Variants in LRP2 observed in about 807,000 individuals in gnomAD.
The protein encoded by LRP2 is low-density lipoprotein receptor-related protein 2.
LRP2 carries 172 observed loss-of-function variants against 531.0 expected under a neutral mutation model. That is an observed-to-expected ratio of 0.32 (90% CI 0.29 to 0.37). The LOEUF (loss-of-function observed/expected upper bound fraction) is 0.37. Among genes scored for constraint, LRP2 ranks in the 10% least tolerant of loss-of-function variants. The pLI is 1.00. For synonymous variants in LRP2, 1,992 were observed against 2,027.6 expected, an observed-to-expected ratio of 0.98 and a Z score of 0.47; for missense variants, 5,167 against 5,868.3, an observed-to-expected ratio of 0.88 and a Z score of 3.90.
At chr2:169,302,549 T>C (rs1425757756) in intron 4 of LRP2, among the ~76,000 whole-genome samples, 1 of 152,184 alleles carries the variant, frequency 6.6e-6, no homozygotes, top group African/African-American at 2.4e-5. Context: ...CCAGGGATAC[T>C]GTTAGACATT....
At chr2:169,264,460 C>A (rs1213150435) in intron 16 of LRP2, among the ~76,000 whole-genome samples, 6 of 151,988 alleles carry the variant, frequency 3.9e-5, no homozygotes, top group Non-Finnish European at 2.9e-5. Context: ...GCTCCAAGCT[C>A]AGTGGGCCTG....
intron 1 of LRP2, among the ~76,000 whole-genome samples, chr2:169,336,696 C>T (rs568640180): frequency 2.3e-4 from 35 of 152,280 alleles, no homozygotes; most frequent in African/African-American, 7.0e-4. Flanking sequence ...CTAAATGCAA[C>T]GCAACAAACA....
At chr2:169,278,882 T>G (rs1209293952) in intron 12 of LRP2, among the ~76,000 whole-genome samples, 1 of 152,238 alleles carries the variant, frequency 6.6e-6, no homozygotes, top group Non-Finnish European at 1.5e-5. Flanking sequence ...CTGAACAACT[T>G]GTAATGAGAT....
intron 13 of LRP2, 191 bp from the exon 14 acceptor site, chr2:169,275,429 G>T: frequency 1.7e-6 from 1 of 582,532 alleles, no homozygotes; most frequent in Non-Finnish European, 3.0e-6. Flanking sequence ...TTTTCATGTT[G>T]TCTCTTGGAA....
intron 50 of LRP2, among the ~76,000 whole-genome samples, chr2:169,185,176 A>C (rs1687590897): frequency 2.6e-5 from 4 of 152,222 alleles, no homozygotes; most frequent in Admixed American, 2.6e-4. Flanking sequence ...GGAGGGACTC[A>C]GGAAGTAACG....
chr2:169,136,421 A>C (rs1265038801), intron 76 of LRP2, among the ~76,000 whole-genome samples: 3 of 152,160 alleles, frequency 2.0e-5, no homozygotes, highest in African/African-American at 7.2e-5. Context: ...AAGCCAAGCC[A>C]TCGCATCCCC....
chr2:169,184,145 A>C (rs1239442248), intron 50 of LRP2, among the ~76,000 whole-genome samples: 3 of 152,160 alleles, frequency 2.0e-5, no homozygotes, highest in African/African-American at 7.2e-5. Flanking sequence ...CTGAATGACA[A>C]TGTCTTACAG....
At chr2:169,286,349 T>A (rs756470882) in intron 9 of LRP2, among the ~76,000 whole-genome samples, 1 of 152,220 alleles carries the variant, frequency 6.6e-6, no homozygotes. Context: ...TGAAAGAAGA[T>A]GTCTGTTGTG....
intron 10 of LRP2, among the ~76,000 whole-genome samples, chr2:169,281,328 A>T (rs1482536266): frequency 6.6e-6 from 1 of 152,212 alleles, no homozygotes; most frequent in African/African-American, 2.4e-5. Flanking sequence ...AGGCTGAGGC[A>T]GGAGAATCGC....
intron 38 of LRP2, among the ~76,000 whole-genome samples, chr2:169,208,959 A>G (rs762016900): frequency 7.2e-4 from 110 of 152,322 alleles, no homozygotes; most frequent in South Asian, 6.2e-4. Context: ...ATACTGGACC[A>G]GGCATTTAAA....
At position 169,127,447 on chromosome 2, in the gene LRP2, C is replaced by G. The variant is rs535411451; in HGVS notation, c.*1216G>C. 2.2e-4 allele frequency: 33 copies of G among 148,548 alleles called. No homozygotes were observed. The highest frequency in any genetic ancestry group is 8.2e-4 in the African/African-American group (33 of 40,328). The allele number at this position is 148,548 out of a possible 1,614,324, so 9.2% of individuals were successfully genotyped here. A position where few individuals can be genotyped will look rare whatever the true frequency, so the allele number is the denominator to read the frequency against. On this transcript the variant is annotated 3_prime_UTR_variant, in exon 79 of 79. Coordinates refer to ENST00000649046, the MANE Select transcript of LRP2 (RefSeq NM_004525.3). The stretch of plus-strand genomic sequence containing the variant: ...GGCACAGTGGCTCACGCCCGTAACC[C>G]CAACCACTCAGGAGGCTGAGGTGGG...
chr2:169,181,700 G>A lies in LRP2; in HGVS notation c.9999-82C>T. 10 of 1,242,362 alleles carry A rather than the reference G, an allele frequency of 8.0e-6. No homozygotes were observed. In the South Asian group the frequency reaches 1.1e-4, roughly 14 times the overall value. The allele number at this position is 1,242,362 out of a possible 1,614,324, so 77.0% of individuals were successfully genotyped here. A position where few individuals can be genotyped will look rare whatever the true frequency, so the allele number is the denominator to read the frequency against. On this transcript the variant is annotated intron_variant, in intron 51 of 78. Transcript: ENST00000649046. ...AATACACACCTTTTCTCCATTTAGAGAAATGGAGTCTGCATTCTGTAGAGC... is the reference window on the plus strand; with the variant it reads ...AATACACACCTTTTCTCCATTTAGAAAAATGGAGTCTGCATTCTGTAGAGC...
In LRP2 at chr2:169,212,136, C is replaced by T. The variant is rs772748953; in HGVS notation, c.6112G>A (p.Gly2038Arg). The change falls in exon 37 of 79, where the codon GGA becomes AGA. Residue 2038 changes from glycine (G) to arginine (R), a missense_variant. Physicochemically the swap from Gly to Arg is moderately radical, Grantham distance 125. Coordinates refer to ENST00000649046, the MANE Select transcript of LRP2 (RefSeq NM_004525.3). ...GCACAGGCGCAGGAAAACAATCCTC[C>T]TGGTACAGGCAGGCAAATCTGCTGA... ...ACQQICLPVP[G>R]GLFSCACATG... is the part of the protein sequence containing the mutation. 1 of 1,614,044 alleles carries T rather than the reference C, an allele frequency of 6.2e-7. No homozygotes were observed. Among genetic ancestry groups the T allele is most frequent in the Non-Finnish European group, 8.5e-7 (1 of 1,179,942 alleles).
intron 57 of LRP2, among the ~76,000 whole-genome samples, chr2:169,172,748 C>A (rs368641845): frequency 6.6e-6 from 1 of 152,196 alleles, no homozygotes; most frequent in South Asian, 2.1e-4. Context: ...TTTTCTCTAA[C>A]CCCTTTCCAC....
Position 169,168,691 on chromosome 2 carries a change from A to T in LRP2, c.11498-15T>A, listed in dbSNP as rs534214309. ...AAAGCGTGTGGCTGCCATGGGGGAA[A>T]AAAACATATTCAAATTATTATACAA... On this transcript the variant is annotated splice_polypyrimidine_tract_variant and intron_variant, in intron 60 of 78. Coordinates refer to ENST00000649046, the MANE Select transcript of LRP2 (RefSeq NM_004525.3). The T allele has an allele frequency of 2.5e-6, 4 of 1,613,890 alleles. No homozygotes were observed. Among genetic ancestry groups the T allele is most frequent in the African/African-American group, 1.3e-5 (1 of 74,932 alleles).
intron 71 of LRP2, among the ~76,000 whole-genome samples, chr2:169,140,920 A>G (rs1685697038): frequency 6.6e-6 from 1 of 152,240 alleles, no homozygotes; most frequent in African/African-American, 2.4e-5. Context: ...AGTTTAATGT[A>G]GGCCCACCTT....
In LRP2 at chr2:169,235,946, A is replaced by G; in HGVS notation, c.4814T>C (p.Ile1605Thr). The G allele has an allele frequency of 1.2e-5, 19 of 1,614,192 alleles. No homozygotes were observed. Among genetic ancestry groups the G allele is most frequent in the Non-Finnish European group, 1.6e-5 (19 of 1,180,030 alleles). Residue 1605 changes from isoleucine (I) to threonine (T), a missense_variant, in exon 29 of 79, where the codon ATT becomes ACT. By Grantham distance (89) the Ile-to-Thr change is moderately conservative (BLOSUM62 -1). Around this residue, in one of 6 missense-constraint regions of LRP2, gnomAD observed 2,811 missense variants for 3,058.0 expected, o/e 0.92. Coordinates refer to ENST00000649046, the MANE Select transcript of LRP2 (RefSeq NM_004525.3). The part of the protein sequence containing the change: ...DKIFWPCGLT[I>T]DYPNRLLYFM... ...GTAGAGCAGTCTGTTGGGGTAGTCAATAGTTAAGCCGCAGGGCCAGAAGAT... is the reference window on the plus strand; with the variant it reads ...GTAGAGCAGTCTGTTGGGGTAGTCAGTAGTTAAGCCGCAGGGCCAGAAGAT...
At chr2:169,360,015 C>T (rs1346274145) in intron 1 of LRP2, among the ~76,000 whole-genome samples, 1 of 151,342 alleles carries the variant, frequency 6.6e-6, no homozygotes, top group Non-Finnish European at 1.5e-5. Flanking sequence ...GTCCCAGCTA[C>T]TTGGGAGGCT....
intron 35 of LRP2, among the ~76,000 whole-genome samples, chr2:169,214,759 G>T (rs763296634): frequency 6.6e-6 from 1 of 152,184 alleles, no homozygotes; most frequent in African/African-American, 2.4e-5. Flanking sequence ...AAGCTGAGCC[G>T]TGATCCAACT....
Sources: allele counts gnomAD v4.1 joint callset (sites outside exome capture counted in the v4.1 genomes callset), GRCh38; gene constraint gnomAD v4.1.1; regional missense constraint gnomAD v4.1.1; transcripts MANE v1.5; gene names NCBI Gene and HGNC (gene_info 2026-07-23, HGNC 2026-07-21).